Variants in FRMD3 observed in about 807,000 individuals in gnomAD.
FRMD3 encodes the protein FERM domain containing 3.
FRMD3 carries 33 observed loss-of-function variants against 70.2 expected under a neutral mutation model. The observed-to-expected ratio is 0.47, with a 90% CI of 0.36 to 0.63. The LOEUF (loss-of-function observed/expected upper bound fraction) is 0.63. Ranked by LOEUF, FRMD3 falls within the 20% of genes least tolerant of loss-of-function variation. The probability of loss-of-function intolerance (pLI) is 0.00; values close to 1 mark genes in which losing one functional copy is unlikely to be tolerated. For missense variants in FRMD3, 632 were observed against 711.4 expected, an observed-to-expected ratio of 0.89 and a Z score of 1.27; for synonymous variants, 279 against 255.9, an observed-to-expected ratio of 1.09 and a Z score of -0.86.
chr9:83,281,865 G>A (rs1373968114), intron 13 of FRMD3, among the ~76,000 whole-genome samples: 4 of 152,212 alleles, frequency 2.6e-5, no homozygotes, highest in African/African-American at 9.7e-5. Flanking sequence ...CTGGCATGCT[G>A]TGCTGGAAAA....
chr9:83,525,231 T>TTA (rs1371823409), intron 1 of FRMD3, among the ~76,000 whole-genome samples: 4 of 152,222 alleles, frequency 2.6e-5, no homozygotes, highest in African/African-American at 2.4e-5. Flanking sequence ...AGCCATACCC[T>TTA]GATCTGTTAA....
intron 2 of FRMD3, among the ~76,000 whole-genome samples, chr9:83,378,720 A>G (rs1825246950): frequency 9.4e-6 from 1 of 105,882 alleles, no homozygotes; most frequent in Non-Finnish European, 1.8e-5. Context: ...ACTTTATATT[A>G]TATATAATAT....
chr9:83,366,181 A>G (rs914703213), intron 3 of FRMD3, among the ~76,000 whole-genome samples: 4 of 152,088 alleles, frequency 2.6e-5, no homozygotes, highest in Non-Finnish European at 5.9e-5. Flanking sequence ...CTTCATATGG[A>G]AGAAAAAAAA....
intron 1 of FRMD3, among the ~76,000 whole-genome samples, chr9:83,469,009 G>A (rs980113922): frequency 6.6e-6 from 1 of 152,214 alleles, no homozygotes; most frequent in Non-Finnish European, 1.5e-5. Flanking sequence ...GATCAGTACT[G>A]GAATGCTCAG....
In FRMD3 at chr9:83,332,333, G is replaced by T. The variant is rs1014793007; in HGVS notation, c.596+3183C>A. 2.7e-5 allele frequency among the ~76,000 whole-genome samples: 4 copies of T among 150,902 alleles called. No individual in the cohort carries two copies. The East Asian group carries it at 5.8e-4, about 22-fold the overall frequency. On this transcript the variant is annotated intron_variant, in intron 6 of 13. Transcript: ENST00000304195. ...TCATGAAAATTCTTCTTAAAATCTT[G>T]GTCTTCTTAAAACTCCAAGGAAGAG... is the stretch of plus-strand genomic sequence containing the variant.
Position 83,246,624 on chromosome 9 carries a change from A to G in FRMD3, c.*1294T>C. 1.0e-6 allele frequency: 1 copy of G among 983,528 alleles called. No individual in the cohort carries two copies. The highest frequency in any genetic ancestry group is 1.2e-4 in the East Asian group (1 of 8,570). The allele number at this position is 983,528 out of a possible 1,614,324, so 60.9% of individuals were successfully genotyped here. On this transcript the variant is annotated 3_prime_UTR_variant, in exon 14 of 14. Coordinates refer to ENST00000304195, the MANE Select transcript of FRMD3 (RefSeq NM_174938.6). ...CCGCAAAACATGATCATGGACATGT[A>G]TCAAAAAGCCATTCATATTCTCTCT...
At position 83,415,519 on chromosome 9, in the gene FRMD3, T is replaced by C. The variant is rs571803662; in HGVS notation, c.148-25811A>G. On this transcript the variant is annotated intron_variant, in intron 1 of 13. Coordinates refer to ENST00000304195, the MANE Select transcript of FRMD3 (RefSeq NM_174938.6). ...GTGCAGTGGCGCGATCTCGGCTCAC[T>C]CCAAGTTCCACCTCCTGGGTTCACA... Among the ~76,000 whole-genome samples the C allele has an allele frequency of 4.9e-5, 7 of 143,602 alleles. No homozygotes were observed. In the East Asian group the frequency reaches 6.3e-4, roughly 13 times the overall value. The allele number at this position is 143,602 out of a possible 152,430, so 94.2% of individuals were successfully genotyped here.
At chr9:83,327,122 C>G (rs1471094146) in intron 6 of FRMD3, among the ~76,000 whole-genome samples, 1 of 152,132 alleles carries the variant, frequency 6.6e-6, no homozygotes, top group Non-Finnish European at 1.5e-5. Flanking sequence ...GTTCTGGTTC[C>G]CTCTGACCCA....
intron 1 of FRMD3, among the ~76,000 whole-genome samples, chr9:83,508,011 C>T (rs184273811): frequency 5.7e-4 from 86 of 152,030 alleles, no homozygotes; most frequent in African/African-American, 2.0e-3. Flanking sequence ...TACAACGGTA[C>T]AGTGTCCTAT....
intron 1 of FRMD3, among the ~76,000 whole-genome samples, chr9:83,435,049 G>A (rs752534580): frequency 2.0e-5 from 3 of 151,786 alleles, no homozygotes; most frequent in African/African-American, 4.8e-5. Context: ...GGCTGGTCTC[G>A]AACTCCTGAG....
intron 1 of FRMD3, among the ~76,000 whole-genome samples, chr9:83,511,779 C>G: frequency 6.6e-6 from 1 of 152,196 alleles, no homozygotes; most frequent in East Asian, 1.9e-4. Flanking sequence ...GGACGCATGT[C>G]AGGGATGAAC....
chr9:83,243,081 C>T (rs559514409), downstream of FRMD3: 576 of 907,408 alleles, frequency 6.3e-4, 2 homozygotes, highest in African/African-American at 8.5e-3. Flanking sequence ...TGTGAAGTGA[C>T]GGCTGCCGAG....
chr9:83,358,055 T>G (rs552811434), intron 3 of FRMD3, among the ~76,000 whole-genome samples: 1 of 152,348 alleles, frequency 6.6e-6, no homozygotes, highest in South Asian at 2.1e-4. Flanking sequence ...TCTAGAATCT[T>G]AATGGTTTCA....
At chr9:83,344,415 A>C (rs1172679194) in intron 4 of FRMD3, among the ~76,000 whole-genome samples, 2 of 152,194 alleles carry the variant, frequency 1.3e-5, no homozygotes, top group Non-Finnish European at 2.9e-5. Flanking sequence ...ATCTGGTTCA[A>C]CATTTTTTCT....
chr9:83,373,048 G>T, intron 2 of FRMD3, 93 bp from the exon 3 acceptor site: 1 of 1,047,738 alleles, frequency 9.5e-7, no homozygotes. Flanking sequence ...CCAAAGTACA[G>T]CCTCGGTTTC....
intron 1 of FRMD3, chr9:83,467,855 T>C (rs1828170621): frequency 7.7e-7 from 1 of 1,305,796 alleles, no homozygotes; most frequent in Non-Finnish European, 1.0e-6. Flanking sequence ...GATGGTTTTT[T>C]AAAAAAGTTA....
chr9:83,547,399 G>T, the FRMD3 span, among the ~76,000 whole-genome samples: 4 of 150,622 alleles, frequency 2.7e-5, no homozygotes, highest in Admixed American at 2.7e-4. Context: ...GATTTAAAGT[G>T]TCTGAAAGTA....
chr9:83,335,529 T>A lies in FRMD3; in HGVS notation c.583A>T (p.Lys195Ter). ...KLERKIVEIH[K>*]NELRGQSPPV... ...CTCAGTAATTACCTGAGTTCATTTT[T>A]ATGAATTTCCACTATTTTTCTTTCC... The change falls in exon 6 of 14, where the codon AAA (lysine) becomes TAA (stop). Residue 195 changes from lysine to a stop codon, truncating the protein, a stop_gained. Coordinates refer to ENST00000304195, the MANE Select transcript of FRMD3 (RefSeq NM_174938.6). LOFTEE classifies it high-confidence loss of function. 1 of 1,612,562 alleles carries A rather than the reference T, an allele frequency of 6.2e-7. No individual in the cohort carries two copies. Among genetic ancestry groups the A allele is most frequent in the Non-Finnish European group, 8.5e-7 (1 of 1,178,950 alleles).
chr9:83,351,106 G>A (rs1004347513), intron 3 of FRMD3: 15 of 357,128 alleles, frequency 4.2e-5, no homozygotes, highest in Non-Finnish European at 4.7e-5. Flanking sequence ...TTCAAGATAC[G>A]CAGGGGTTAA....
Sources: gnomAD v4.1 joint callset for allele counts (sites outside exome capture counted in the v4.1 genomes callset) on GRCh38, gnomAD v4.1.1 for gene constraint, MANE v1.5 for transcripts, NCBI Gene and HGNC (gene_info 2026-07-23, HGNC 2026-07-21) for gene names.